The following MAK variants were observed in gnomAD, a reference collection of about 807,000 sequenced individuals.
MAK encodes the protein serine/threonine-protein kinase MAK.
In MAK, 65 loss-of-function variants were observed where a neutral mutation model predicts 82.6. The observed-to-expected ratio is 0.79, with a 90% CI of 0.64 to 0.97. The LOEUF is 0.97. MAK is among the 50% of genes least tolerant of loss of function. The probability of loss-of-function intolerance (pLI) is 0.00; values close to 1 mark genes in which losing one functional copy is unlikely to be tolerated. For missense variants in MAK, 703 were observed against 780.2 expected, an observed-to-expected ratio of 0.90 and a Z score of 1.18; for synonymous variants, 250 against 274.2, an observed-to-expected ratio of 0.91 and a Z score of 0.87.
rs570847928 is a variant in MAK, at chr6:10,830,798, C to A, written c.-150G>T. ...TTTGTCATCATTAAATATAGTCTCT[C>A]CCCCAAGATTACAGAGGTTCATGAG... On this transcript the variant is annotated 5_prime_UTR_variant, in exon 2 of 15. Coordinates refer to ENST00000354489, the MANE Select transcript of MAK (RefSeq NM_001242957.3). 2.6e-5 allele frequency: 18 copies of A among 697,098 alleles called. No homozygotes were observed. Among genetic ancestry groups the A allele is most frequent in the African/African-American group, 1.6e-4 (9 of 56,918 alleles). The allele number at this position is 697,098 out of a possible 1,614,324, so 43.2% of individuals were successfully genotyped here. A position where few individuals can be genotyped will look rare whatever the true frequency, so the allele number is the denominator to read the frequency against.
At chr6:10,788,649 T>C (rs1774802628) in intron 10 of MAK, among the ~76,000 whole-genome samples, 1 of 152,046 alleles carries the variant, frequency 6.6e-6, no homozygotes, top group African/African-American at 2.4e-5. Context: ...GACAGGAGAA[T>C]TGCTTGAACC....
rs200536068 is a variant in MAK at position 10,765,440 on chromosome 6, A to ATTTTTT, written c.1793-840_1793-835dup. 3.0e-3 allele frequency among the ~76,000 whole-genome samples: 392 copies of ATTTTTT among 130,492 alleles called. 16 individuals are homozygous for ATTTTTT. Among genetic ancestry groups the ATTTTTT allele is most frequent in the African/African-American group, 0.012 (373 of 29,870 alleles). 85.6% of individuals were successfully genotyped at this position (130,492 alleles called of 152,430 possible). On this transcript the variant is annotated intron_variant, in intron 14 of 14. Transcript: ENST00000354489. ...TTAAAATGTGGGTTTTAGAATGAAG[A>ATTTTTT]TTTTTTTTTTTTTTTTTTTTTTTTT...
chr6:10,778,773 G>A (rs1240213463), intron 11 of MAK, among the ~76,000 whole-genome samples: 2 of 152,110 alleles, frequency 1.3e-5, no homozygotes, highest in African/African-American at 2.4e-5. Flanking sequence ...AATAAACAGG[G>A]TGGAAGGAAA....
chr6:10,799,997 G>A (rs148853937), intron 8 of MAK, among the ~76,000 whole-genome samples: 284 of 152,210 alleles, frequency 1.9e-3, no homozygotes, highest in African/African-American at 6.6e-3. Context: ...GTAGTGAACC[G>A]AGATCACGCT....
chr6:10,779,195 C>T lies in MAK; in HGVS notation c.1466-3736G>A, dbSNP rs1773737215. 1.4e-5 allele frequency: 3 copies of T among 213,694 alleles called. No homozygotes were observed. The Admixed American group carries it at 2.0e-4, about 14-fold the overall frequency. 13.2% of individuals were successfully genotyped at this position (213,694 alleles called of 1,614,324 possible). On this transcript the variant is annotated intron_variant, in intron 11 of 14. Coordinates refer to ENST00000354489, the MANE Select transcript of MAK (RefSeq NM_001242957.3). ...GAGCTGCTCCGGCCAGCAGTGGTGGCATCGATTCATGCCCAGAGTCCCGGC... is the reference window on the plus strand; with the variant it reads ...GAGCTGCTCCGGCCAGCAGTGGTGGTATCGATTCATGCCCAGAGTCCCGGC...
rs1296734642 is a variant in MAK, at chr6:10,777,524, A to T, written c.1466-2065T>A. On this transcript the variant is annotated intron_variant, in intron 11 of 14. Transcript: ENST00000354489. ...AGAATGAGTTCTGAATATTTAAATG[A>T]TGTTGTTAATCCAGTTGGCCTTGGC... Among the ~76,000 whole-genome samples, 4 of 152,150 alleles carry T rather than the reference A, an allele frequency of 2.6e-5. No individual in the cohort carries two copies. In the East Asian group the frequency reaches 7.7e-4, roughly 29 times the overall value.
intron 12 of MAK, among the ~76,000 whole-genome samples, chr6:10,773,992 C>A (rs1351927182): frequency 6.6e-6 from 1 of 152,046 alleles, no homozygotes. Flanking sequence ...GGCCACTGCA[C>A]CTGGCCAAAA....
At chr6:10,796,806 A>C (rs1156548876) in intron 8 of MAK, among the ~76,000 whole-genome samples, 2 of 9,426 alleles carry the variant, frequency 2.1e-4, no homozygotes, top group East Asian at 3.5e-3. Context: ...ACTCCACCTC[A>C]AAAAAAAAAA....
chr6:10,811,315 A>AT (rs1476392555), intron 5 of MAK, among the ~76,000 whole-genome samples: 3 of 152,266 alleles, frequency 2.0e-5, no homozygotes, highest in African/African-American at 7.2e-5. Context: ...CTATTTTAAA[A>AT]TATCTATTTC....
intron 7 of MAK, among the ~76,000 whole-genome samples, chr6:10,803,253 A>G (rs1776151934): frequency 6.6e-6 from 1 of 152,212 alleles, no homozygotes; most frequent in African/African-American, 2.4e-5. Flanking sequence ...AATAAGGATT[A>G]CAGCCGGGCG....
At chr6:10,819,745 AGTT>A (rs1581753359) in intron 2 of MAK, among the ~76,000 whole-genome samples, 1 of 152,162 alleles carries the variant, frequency 6.6e-6, no homozygotes, top group Non-Finnish European at 1.5e-5. Flanking sequence ...TACACCAGTT[AGTT>A]GTTGTTTTTA....
chr6:10,828,183 G>A (rs921116043), intron 2 of MAK, among the ~76,000 whole-genome samples: 2 of 152,108 alleles, frequency 1.3e-5, no homozygotes, highest in Non-Finnish European at 2.9e-5. Flanking sequence ...TAATGGTTTA[G>A]ATCATAATAT....
At chr6:10,814,974 T>G (rs1392860269) in intron 4 of MAK, among the ~76,000 whole-genome samples, 1 of 150,934 alleles carries the variant, frequency 6.6e-6, no homozygotes, top group East Asian at 2.0e-4. Flanking sequence ...AGGGTGGAGG[T>G]TGCAGTGAGC....
At chr6:10,812,122 C>T (rs976931040) in intron 5 of MAK, among the ~76,000 whole-genome samples, 1 of 152,122 alleles carries the variant, frequency 6.6e-6, no homozygotes, top group African/African-American at 2.4e-5. Context: ...ATCACCTGAG[C>T]CCAGGAAGTG....
intron 4 of MAK, among the ~76,000 whole-genome samples, chr6:10,816,106 A>G (rs1777484849): frequency 6.6e-6 from 1 of 151,582 alleles, no homozygotes; most frequent in Non-Finnish European, 1.5e-5. Context: ...CCTGGGTTCA[A>G]GCAATTCTTC....
In MAK at chr6:10,803,665, GTAGCAAGA is replaced by G; in HGVS notation, c.663+47_663+54del. ...TCAAAATTATAAAATTAAAAGCAAA[GTAGCAAGA>G]TAGAAATAATCAAAAGTTATAGCAA... On this transcript the variant is annotated intron_variant, in intron 7 of 14. Coordinates refer to ENST00000354489, the MANE Select transcript of MAK (RefSeq NM_001242957.3). 3 of 1,460,176 alleles carry G rather than the reference GTAGCAAGA, an allele frequency of 2.1e-6. No individual in the cohort carries two copies. The South Asian group carries it at 3.5e-5, about 17-fold the overall frequency. The allele number at this position is 1,460,176 out of a possible 1,614,324, so 90.5% of individuals were successfully genotyped here.
At position 10,813,684 on chromosome 6, in the gene MAK, CATA is replaced by C. The variant is rs777554686; in HGVS notation, c.315_317del (p.Ile105del). The C allele has an allele frequency of 6.2e-7, 1 of 1,606,504 alleles. No homozygotes were observed. The highest frequency in any genetic ancestry group is 8.5e-7 in the Non-Finnish European group (1 of 1,173,308). On this transcript the variant is annotated inframe_deletion, in exon 5 of 15. Transcript: ENST00000354489. ...AAGCCAGCCCTTGCAATATTTGATACATAATATTTCTGATGACTGATTCAGGGA... is the reference window on the plus strand; with the variant it reads ...AAGCCAGCCCTTGCAATATTTGATACATATTTCTGATGACTGATTCAGGGA...
chr6:10,818,265 G>A (rs918058569), intron 3 of MAK, among the ~76,000 whole-genome samples: 3 of 152,184 alleles, frequency 2.0e-5, no homozygotes, highest in African/African-American at 2.4e-5. Flanking sequence ...ATCCAAAATT[G>A]TATCCAAGTC....
rs528698542 is a variant in MAK, at chr6:10,776,084, G to A, written c.1466-625C>T. ...ATTACAGGTGTAAGCCACCACACCC[G>A]ACCCAACATGACATTTTCATGTCAC... On this transcript the variant is annotated intron_variant, in intron 11 of 14. Coordinates refer to ENST00000354489, the MANE Select transcript of MAK (RefSeq NM_001242957.3). This position sits in a 1 kb window ranked among gnomAD's most constrained non-coding sequence, Gnocchi z 4.3. Among the ~76,000 whole-genome samples, 3 of 152,176 alleles carry A rather than the reference G, an allele frequency of 2.0e-5. No homozygotes were observed. In the East Asian group the frequency reaches 5.8e-4, roughly 29 times the overall value.
Sources: allele counts gnomAD v4.1 joint callset (sites outside exome capture counted in the v4.1 genomes callset), GRCh38; gene constraint gnomAD v4.1.1; non-coding constraint Gnocchi (gnomAD v3.1); transcripts MANE v1.5; gene names NCBI Gene and HGNC (gene_info 2026-07-23, HGNC 2026-07-21).